The following SORBS2 variants were observed in gnomAD, a reference collection of about 807,000 sequenced individuals.
The protein encoded by SORBS2 is sorbin and SH3 domain-containing protein 2.
In SORBS2, 46 loss-of-function variants were observed where a neutral mutation model predicts 97.7. The observed-to-expected ratio is 0.47, with a 90% confidence interval of 0.37 to 0.60. The LOEUF is 0.60. SORBS2 is among the 20% of genes least tolerant of loss of function. The pLI is 0.00. For missense variants in SORBS2, 1,316 were observed against 1,282.3 expected, an observed-to-expected ratio of 1.03 and a Z score of -0.40; for synonymous variants, 476 against 473.4, an observed-to-expected ratio of 1.01 and a Z score of -0.07.
intron 2 of SORBS2, among the ~76,000 whole-genome samples, chr4:185,768,094 G>A (rs1262444876): frequency 6.6e-6 from 1 of 152,140 alleles, no homozygotes; most frequent in Non-Finnish European, 1.5e-5. Flanking sequence ...CCAGCTCTGA[G>A]CTCCTAGAGT....
At chr4:185,690,520 G>A (rs1206018778) in intron 2 of SORBS2, 42 bp downstream of exon 4, 13 of 1,392,204 alleles carry the variant, frequency 9.3e-6, no homozygotes, top group Non-Finnish European at 1.1e-5. Context: ...ATGATTTTTA[G>A]AGAGCAAGGC....
intron 1 of SORBS2, among the ~76,000 whole-genome samples, chr4:185,776,899 C>CAAA (rs34135817): frequency 1.4e-4 from 15 of 111,096 alleles, no homozygotes; most frequent in Admixed American, 1.9e-4. Flanking sequence ...GACTCCATCT[C>CAAA]AAAAAAAAAA....
rs2096822014 is a variant in SORBS2 at position 185,626,708 on chromosome 4, ATT to A, written c.634+122_634+123del. Reference sequence around the variant, plus strand: ...AAGAAGGCTATTGTTCTAAAACTATATTTTATTCCAGACACTGTAGGTGAGAG... The same window carrying A: ...AAGAAGGCTATTGTTCTAAAACTATATTATTCCAGACACTGTAGGTGAGAG... On this transcript the variant is annotated intron_variant, in intron 6 of 14. Coordinates refer to ENST00000418609, the Ensembl canonical transcript of SORBS2. 5.4e-6 allele frequency: 5 copies of A among 930,406 alleles called. No individual in the cohort carries two copies. In the South Asian group the frequency reaches 7.7e-5, roughly 14 times the overall value. The allele number at this position is 930,406 out of a possible 1,614,324, so 57.6% of individuals were successfully genotyped here.
At chr4:185,928,630 C>T (rs2099264896) in intron 1 of SORBS2, among the ~76,000 whole-genome samples, 1 of 152,096 alleles carries the variant, frequency 6.6e-6, no homozygotes, top group South Asian at 2.1e-4. Flanking sequence ...ACTGCAAGCT[C>T]TGCCTCCTGG....
chr4:185,649,062 C>T (rs1049158276), intron 3 of SORBS2, among the ~76,000 whole-genome samples: 1 of 152,200 alleles, frequency 6.6e-6, no homozygotes, highest in Non-Finnish European at 1.5e-5. Flanking sequence ...ACTAATGCCT[C>T]ATTATGATTT....
At chr4:185,712,359 C>G (rs560238247) in intron 2 of SORBS2, among the ~76,000 whole-genome samples, 1 of 152,188 alleles carries the variant, frequency 6.6e-6, no homozygotes, top group Admixed American at 6.5e-5. Context: ...CTGCCCATCC[C>G]CTGTTCAGCT....
At chr4:185,632,964 G>C (rs1002517421) in intron 4 of SORBS2, among the ~76,000 whole-genome samples, 2 of 152,124 alleles carry the variant, frequency 1.3e-5, no homozygotes, top group African/African-American at 4.8e-5. Context: ...ATTGTAAGAA[G>C]TGTACTCATC....
intron 4 of SORBS2, chr4:185,638,996 G>A: frequency 6.6e-7 from 1 of 1,524,114 alleles, no homozygotes; most frequent in Non-Finnish European, 8.8e-7. Context: ...TTCCGGCCAG[G>A]TTCCCTTGGA....
intron 12 of SORBS2, among the ~76,000 whole-genome samples, chr4:185,609,368 T>C: frequency 6.6e-6 from 1 of 152,202 alleles, no homozygotes; most frequent in Non-Finnish European, 1.5e-5. Flanking sequence ...AGGAATATTA[T>C]GTAGATGAGA....
At chr4:185,648,129 G>GTT (rs57907928) in intron 3 of SORBS2, among the ~76,000 whole-genome samples, 43 of 143,550 alleles carry the variant, frequency 3.0e-4, no homozygotes, top group Admixed American at 2.3e-3. Context: ...ATTTTTATTT[G>GTT]TTTTTTTTTT....
At chr4:185,902,060 C>T (rs537546965) in intron 1 of SORBS2, among the ~76,000 whole-genome samples, 1 of 152,202 alleles carries the variant, frequency 6.6e-6, no homozygotes, top group African/African-American at 2.4e-5. Context: ...ATTGATAAAT[C>T]AGAACTATTA....
rs1398450308 is a variant in SORBS2, at chr4:185,648,414, G to A, written c.281+1053C>T. On this transcript the variant is annotated intron_variant, in intron 3 of 14. Transcript: ENST00000418609. ...CTACTTGGTAATTGCTTGAACCCGG[G>A]AGTCGGAGGTTGCAGTGAGACAAGA... Among the ~76,000 whole-genome samples the A allele has an allele frequency of 9.2e-5, 14 of 151,952 alleles. No individual in the cohort carries two copies. In the East Asian group the frequency reaches 2.7e-3, roughly 30 times the overall value.
chr4:185,662,947 G>A (rs919575600), intron 4 of SORBS2, among the ~76,000 whole-genome samples: 2 of 152,158 alleles, frequency 1.3e-5, no homozygotes, highest in Admixed American at 6.5e-5. Flanking sequence ...GGTATCTCAA[G>A]CTTCTTGTTG....
At chr4:185,690,637 T>A in intron 2 of SORBS2, 26 bp from the exon 4 acceptor site, 2 of 1,023,072 alleles carry the variant, frequency 2.0e-6, no homozygotes, top group Non-Finnish European at 1.4e-6. Flanking sequence ...GGTGCATAAT[T>A]GTTCACTAGC....
chr4:185,689,569 G>A (rs1251974112), intron 2 of SORBS2, among the ~76,000 whole-genome samples: 1 of 152,168 alleles, frequency 6.6e-6, no homozygotes, highest in Non-Finnish European at 1.5e-5. Context: ...CCACATGTCT[G>A]CAAGGTGACT....
At chr4:185,600,297 T>C (rs1354821213) in intron 12 of SORBS2, among the ~76,000 whole-genome samples, 6 of 152,190 alleles carry the variant, frequency 3.9e-5, no homozygotes, top group African/African-American at 1.4e-4. Context: ...AAAGCTGGCA[T>C]AGGGAAGAGG....
chr4:185,833,582 C>T (rs1442780981), intron 1 of SORBS2, among the ~76,000 whole-genome samples: 1 of 152,066 alleles, frequency 6.6e-6, no homozygotes, highest in Non-Finnish European at 1.5e-5. Flanking sequence ...TACTACAATA[C>T]ACAAAATACA....
At chr4:185,834,417 G>A (rs544352807) in intron 1 of SORBS2, among the ~76,000 whole-genome samples, 6 of 152,210 alleles carry the variant, frequency 3.9e-5, no homozygotes, top group African/African-American at 1.4e-4. Flanking sequence ...ATGGTGTATT[G>A]TTAGCATGTA....
At chr4:185,776,899 C>CAAAA (rs34135817) in intron 1 of SORBS2, among the ~76,000 whole-genome samples, 132 of 111,108 alleles carry the variant, frequency 1.2e-3, no homozygotes, top group African/African-American at 4.8e-3. Flanking sequence ...GACTCCATCT[C>CAAAA]AAAAAAAAAA....
Sources: allele counts gnomAD v4.1 joint callset (sites outside exome capture counted in the v4.1 genomes callset), GRCh38; gene constraint gnomAD v4.1.1; transcripts MANE v1.5; gene names NCBI Gene and HGNC (gene_info 2026-07-23, HGNC 2026-07-21).